ARID1B: variants seen among roughly 807,000 people sequenced by gnomAD.
ARID1B encodes the protein AT-rich interactive domain-containing protein 1B.
In ARID1B, 30 loss-of-function variants were observed where a neutral mutation model predicts 212.3. The observed-to-expected ratio is 0.14, with a 90% CI of 0.11 to 0.19. The LOEUF (loss-of-function observed/expected upper bound fraction) is 0.19, where lower values mean the gene tolerates loss of function less well. ARID1B is among the 10% of genes least tolerant of loss of function. The pLI is 1.00. For synonymous variants in ARID1B, 1,402 were observed against 1,301.7 expected (o/e 1.08, Z -1.66); for missense variants, 2,891 against 3,204.0 (o/e 0.90, Z 2.36).
rs922440036 is a variant in ARID1B, at chr6:157,203,314, A to G, written c.5264-552A>G. Among the ~76,000 whole-genome samples the G allele has an allele frequency of 5.3e-5, 8 of 152,196 alleles. No homozygotes were observed. Among genetic ancestry groups the G allele is most frequent in the Admixed American group, 2.6e-4 (4 of 15,282 alleles). On this transcript the variant is annotated intron_variant, in intron 18 of 19. Coordinates refer to ENST00000636930, the MANE Select transcript of ARID1B (RefSeq NM_001374828.1). This position sits in a 1 kb window ranked among gnomAD's most constrained non-coding sequence, Gnocchi z 4.4. ...AAATCTGAGCCATCAAAGTGCTAAT[A>G]TTTATCACAGCATGTTCTGAGGGCA... is the stretch of plus-strand genomic sequence containing the variant.
At chr6:156,860,339 C>T (rs1339941267) in intron 2 of ARID1B, among the ~76,000 whole-genome samples, 4 of 146,778 alleles carry the variant, frequency 2.7e-5, no homozygotes, top group East Asian at 2.0e-4. Context: ...TCAGTGTCTT[C>T]TTTTTTTTTT....
chr6:156,907,006 A>G (rs1789448516), intron 3 of ARID1B, among the ~76,000 whole-genome samples: 1 of 152,102 alleles, frequency 6.6e-6, no homozygotes, highest in African/African-American at 2.4e-5. Flanking sequence ...AATTCTTGCT[A>G]ATTCTGCTAA....
At chr6:157,112,922 C>CTTTT (rs573564655) in intron 6 of ARID1B, among the ~76,000 whole-genome samples, 1 of 137,270 alleles carries the variant, frequency 7.3e-6, no homozygotes, top group African/African-American at 2.7e-5. Context: ...ATGACCACTT[C>CTTTT]TTTTTTTTTT....
At chr6:157,023,951 T>G (rs1365380099) in intron 4 of ARID1B, 1 of 152,274 alleles carries the variant, frequency 6.6e-6, no homozygotes, top group African/African-American at 2.4e-5. Context: ...TCAGGTTATT[T>G]ATTCTTTAAA....
chr6:156,893,670 GA>G (rs1396573017), intron 2 of ARID1B, among the ~76,000 whole-genome samples: 3 of 152,108 alleles, frequency 2.0e-5, no homozygotes, highest in African/African-American at 7.2e-5. Flanking sequence ...ATAAGCACAT[GA>G]AAAGGTACTC....
chr6:157,198,202 T>C (rs1793866507), intron 16 of ARID1B, among the ~76,000 whole-genome samples: 1 of 152,228 alleles, frequency 6.6e-6, no homozygotes, highest in South Asian at 2.1e-4. Flanking sequence ...GAATCATCCC[T>C]GTTATTCTTT....
intron 1 of ARID1B, among the ~76,000 whole-genome samples, chr6:156,821,200 G>T (rs916016490): frequency 1.3e-5 from 2 of 152,192 alleles, no homozygotes; most frequent in East Asian, 3.8e-4. Context: ...TTCTACTAGG[G>T]TCAACTCCCC....
intron 5 of ARID1B, among the ~76,000 whole-genome samples, chr6:157,106,984 CATAGG>C (rs1180123727): frequency 6.6e-6 from 1 of 152,168 alleles, no homozygotes; most frequent in Non-Finnish European, 1.5e-5. Flanking sequence ...TTTGAGGAGG[CATAGG>C]ATTTGCATAG....
intron 2 of ARID1B, among the ~76,000 whole-genome samples, chr6:156,880,739 C>CAAAAAAAAAAA (rs141153792): frequency 3.6e-4 from 31 of 86,956 alleles, no homozygotes; most frequent in East Asian, 1.0e-3. Context: ...GACTCTGTCT[C>CAAAAAAAAAAA]AAAAAAAAAA....
At chr6:157,127,357 A>G (rs80335691) in intron 6 of ARID1B, among the ~76,000 whole-genome samples, 2,553 of 152,232 alleles carry the variant, frequency 0.017, 79 homozygotes, top group African/African-American at 0.058. Context: ...GTTTGAATCT[A>G]TAATAGTGAC....
chr6:157,148,531 G>T lies in ARID1B; in HGVS notation c.2762-93G>T. Reference sequence around the variant, plus strand: ...CTATAACGGTCATGACTAATACTCCGTGCTGATCGCATTGTTGGACAAAAA... The same window carrying T: ...CTATAACGGTCATGACTAATACTCCTTGCTGATCGCATTGTTGGACAAAAA... On this transcript the variant is annotated intron_variant, in intron 7 of 19. Coordinates refer to ENST00000636930, the MANE Select transcript of ARID1B (RefSeq NM_001374828.1). This position sits in a 1 kb window ranked among gnomAD's most constrained non-coding sequence, Gnocchi z 5.6. 7.2e-7 allele frequency: 1 copy of T among 1,384,458 alleles called. No homozygotes were observed. Among genetic ancestry groups the T allele is most frequent in the Non-Finnish European group, 9.9e-7 (1 of 1,013,338 alleles). 85.8% of individuals were successfully genotyped at this position (1,384,458 alleles called of 1,614,324 possible). A position where few individuals can be genotyped will look rare whatever the true frequency, so the allele number is the denominator to read the frequency against.
At chr6:156,992,202 C>G (rs1308951976) in intron 4 of ARID1B, among the ~76,000 whole-genome samples, 1 of 152,222 alleles carries the variant, frequency 6.6e-6, no homozygotes, top group African/African-American at 2.4e-5. Context: ...TCTGTATTTC[C>G]TGCTGTGAAA....
intron 5 of ARID1B, among the ~76,000 whole-genome samples, chr6:157,096,621 C>T (rs1453203279): frequency 6.6e-6 from 1 of 152,204 alleles, no homozygotes; most frequent in Non-Finnish European, 1.5e-5. Flanking sequence ...CCTCCTTGTC[C>T]CCTGGCACTC....
chr6:157,129,665 C>G (rs1218116215), intron 6 of ARID1B, among the ~76,000 whole-genome samples: 1 of 152,200 alleles, frequency 6.6e-6, no homozygotes, highest in South Asian at 2.1e-4. Context: ...AATTCTACCT[C>G]CTTTTGGAAA....
chr6:156,821,406 A>G (rs1473411231), intron 1 of ARID1B, among the ~76,000 whole-genome samples: 2 of 152,238 alleles, frequency 1.3e-5, no homozygotes, highest in Non-Finnish European at 2.9e-5. Flanking sequence ...TCACGCAGAA[A>G]AGAGAAATAG....
intron 4 of ARID1B, among the ~76,000 whole-genome samples, chr6:157,039,313 T>G (rs1023160098): frequency 7.1e-6 from 1 of 140,882 alleles, no homozygotes; most frequent in Non-Finnish European, 1.5e-5. Context: ...AATGGGAAAT[T>G]TGACATTTCT....
At chr6:157,084,944 TAAAG>T (rs1784871355) in intron 5 of ARID1B, 39 bp downstream of exon 5, 2 of 1,562,704 alleles carry the variant, frequency 1.3e-6, no homozygotes, top group Non-Finnish European at 1.7e-6. Flanking sequence ...TACTTTGTGA[TAAAG>T]AGAGATTTCA....
chr6:156,816,772 G>A (rs951152144), intron 1 of ARID1B, among the ~76,000 whole-genome samples: 2 of 152,158 alleles, frequency 1.3e-5, no homozygotes, highest in African/African-American at 4.8e-5. Context: ...GGTACAGGGC[G>A]GGCTGAGGCC....
intron 4 of ARID1B, among the ~76,000 whole-genome samples, chr6:157,038,149 T>C (rs546113031): frequency 2.0e-5 from 3 of 152,298 alleles, no homozygotes; most frequent in South Asian, 4.2e-4. Context: ...GAGACACTTA[T>C]TAGAGAACTC....
Sources: gnomAD v4.1 joint callset for allele counts (sites outside exome capture counted in the v4.1 genomes callset) on GRCh38, gnomAD v4.1.1 for gene constraint, Gnocchi (gnomAD v3.1) non-coding constraint, MANE v1.5 for transcripts, NCBI Gene and HGNC (gene_info 2026-07-23, HGNC 2026-07-21) for gene names.